ADAMTS9: variants seen among roughly 807,000 people sequenced by gnomAD.
The protein encoded by ADAMTS9 is ADAM metallopeptidase with thrombospondin type 1 motif 9.
ADAMTS9 carries 107 observed loss-of-function variants against 257.1 expected under a neutral mutation model. The observed-to-expected ratio is 0.42, with a 90% CI of 0.36 to 0.49. ADAMTS9 has a LOEUF of 0.49. Among genes scored for constraint, ADAMTS9 ranks in the 20% least tolerant of loss-of-function variants. ADAMTS9 has a pLI of 0.03. For synonymous variants in ADAMTS9, 982 were observed against 880.9 expected (o/e 1.11, Z -2.03); for missense variants, 2,353 against 2,469.1 (o/e 0.95, Z 1.00).
chr3:64,604,356 A>C (rs1354310621), intron 23 of ADAMTS9, 25 bp from the exon 24 acceptor site: 9 of 1,513,228 alleles, frequency 5.9e-6, no homozygotes, highest in Admixed American at 2.0e-5. Context: ...GGAAAAAAAA[A>C]CAAAGTCACT....
chr3:64,652,514 A>C (rs914361865), intron 8 of ADAMTS9, among the ~76,000 whole-genome samples: 8 of 152,204 alleles, frequency 5.3e-5, no homozygotes, highest in Non-Finnish European at 1.2e-4. Flanking sequence ...GTTTCTTTAT[A>C]GTGGTGTTTA....
chr3:64,656,892 G>A (rs1013398151), intron 4 of ADAMTS9, among the ~76,000 whole-genome samples: 1 of 152,064 alleles, frequency 6.6e-6, no homozygotes, highest in African/African-American at 2.4e-5. Context: ...AAACAGGATT[G>A]CTTTTCACAT....
intron 37 of ADAMTS9, 137 bp downstream of exon 37, chr3:64,539,066 G>C (rs533582802): frequency 3.7e-4 from 283 of 768,772 alleles, no homozygotes; most frequent in Non-Finnish European, 4.4e-6. Flanking sequence ...CATTTGAGAG[G>C]GTCTTGATAC....
chr3:64,538,325 C>T (rs1008528168), intron 37 of ADAMTS9, among the ~76,000 whole-genome samples: 1 of 152,224 alleles, frequency 6.6e-6, no homozygotes, highest in South Asian at 2.1e-4. Context: ...TATTCTAGAG[C>T]CATTTCTGAC....
intron 30 of ADAMTS9, 104 bp from the exon 31 acceptor site, chr3:64,551,166 C>A (rs2083266651): frequency 6.1e-6 from 8 of 1,318,712 alleles, no homozygotes; most frequent in Non-Finnish European, 8.3e-6. Context: ...TCATAAGAGC[C>A]CTGAGGGCAG....
At chr3:64,679,431 A>G (rs1701700459) in intron 3 of ADAMTS9, among the ~76,000 whole-genome samples, 1 of 152,204 alleles carries the variant, frequency 6.6e-6, no homozygotes, top group Non-Finnish European at 1.5e-5. Context: ...TCCAGGTATT[A>G]TACAACAGAG....
At chr3:64,586,846 C>G (rs2084167407) in intron 28 of ADAMTS9, 1 of 152,130 alleles carries the variant, frequency 6.6e-6, no homozygotes, top group African/African-American at 2.4e-5. Flanking sequence ...GCTCAACCTT[C>G]ACCTACTGGG....
chr3:64,662,168 T>C (rs1348872070), intron 3 of ADAMTS9, among the ~76,000 whole-genome samples: 1 of 152,140 alleles, frequency 6.6e-6, no homozygotes, highest in East Asian at 1.9e-4. Context: ...CTTTGAATCA[T>C]TGTTCATTTA....
chr3:64,546,737 A>C (rs771496780), intron 32 of ADAMTS9, 21 bp downstream of exon 32: 5 of 1,564,618 alleles, frequency 3.2e-6, no homozygotes, highest in Non-Finnish European at 4.3e-6. Context: ...TTCAGATTTG[A>C]GTGCTCAGTC....
rs1306294408 is a variant in ADAMTS9, at chr3:64,649,653, T to A, written c.1589A>T (p.Gln530Leu). 6.2e-7 allele frequency: 1 copy of A among 1,613,642 alleles called. No homozygotes were observed. Among genetic ancestry groups the A allele is most frequent in the Admixed American group, 1.7e-5 (1 of 59,958 alleles). The part of the protein sequence containing the change: ...QCELIFGPGS[Q>L]VCPYMMQCRR... Reference sequence around the variant, plus strand: ...TACACTTACCATATATGGGCACACCTGAGAACCTGGTCCAAAAATCAATTC... The same window carrying A: ...TACACTTACCATATATGGGCACACCAGAGAACCTGGTCCAAAAATCAATTC... Residue 530 changes from glutamine to leucine, a missense_variant, in exon 10 of 40, where the codon CAG becomes CTG. Physicochemically the swap from Gln to Leu is moderately radical, Grantham distance 113. This residue lies in a region of ADAMTS9 where 360 missense variants were observed against 458.1 expected (regional missense o/e 0.79). Coordinates refer to ENST00000498707, the MANE Select transcript of ADAMTS9 (RefSeq NM_182920.2).
chr3:64,534,103 C>CTCCT (rs1404906130), intron 37 of ADAMTS9, among the ~76,000 whole-genome samples: 1 of 152,236 alleles, frequency 6.6e-6, no homozygotes, highest in African/African-American at 2.4e-5. Flanking sequence ...CACATGAACA[C>CTCCT]TCCTGATTGC....
At chr3:64,670,878 T>A (rs562517795) in intron 3 of ADAMTS9, among the ~76,000 whole-genome samples, 6 of 152,250 alleles carry the variant, frequency 3.9e-5, no homozygotes, top group African/African-American at 1.4e-4. Context: ...AACAACAAAA[T>A]GTTGACAATA....
intron 29 of ADAMTS9, chr3:64,565,687 T>A (rs919793157): frequency 2.6e-5 from 4 of 152,250 alleles, no homozygotes; most frequent in Non-Finnish European, 4.4e-5. Flanking sequence ...ATCATGGGAA[T>A]ATTGAGTCTT....
chr3:64,650,022 GT>G, intron 9 of ADAMTS9: 1 of 423,242 alleles, frequency 2.4e-6, no homozygotes, highest in Non-Finnish European at 4.2e-6. Context: ...CTGTTACAAC[GT>G]TGATCACACT....
At chr3:64,640,005 ATATTC>A (rs1196074874) in intron 12 of ADAMTS9, among the ~76,000 whole-genome samples, 118 of 152,278 alleles carry the variant, frequency 7.7e-4, no homozygotes, top group African/African-American at 2.7e-3. Context: ...AACTTCTAAA[ATATTC>A]TATATGTTTG....
At chr3:64,603,064 T>C (rs567983937) in intron 25 of ADAMTS9, among the ~76,000 whole-genome samples, 2 of 152,280 alleles carry the variant, frequency 1.3e-5, no homozygotes, top group East Asian at 1.9e-4. Flanking sequence ...CTACTATTTA[T>C]TGAGTAGTAC....
intron 29 of ADAMTS9, among the ~76,000 whole-genome samples, chr3:64,564,129 C>A (rs745363894): frequency 6.6e-6 from 1 of 152,166 alleles, no homozygotes; most frequent in Non-Finnish European, 1.5e-5. Context: ...ATCTGAATGG[C>A]CTCTATTAAT....
chr3:64,590,902 C>A (rs769819436), intron 28 of ADAMTS9, among the ~76,000 whole-genome samples: 30 of 152,138 alleles, frequency 2.0e-4, no homozygotes, highest in Non-Finnish European at 2.5e-4. Context: ...GGGCAATGCA[C>A]AAAGGAACAC....
In ADAMTS9 at chr3:64,686,853, G is replaced by C. The variant is rs755587527; in HGVS notation, c.231C>G (p.Asn77Lys). 2 of 1,614,190 alleles carry C rather than the reference G, an allele frequency of 1.2e-6. No individual in the cohort carries two copies. The highest frequency in any genetic ancestry group is 1.7e-6 in the Non-Finnish European group (2 of 1,180,028). Residue 77 changes from asparagine (N) to lysine (K), a missense_variant, in exon 2 of 40, where the codon AAC becomes AAG. This residue lies in a region of ADAMTS9 where 591 missense variants were observed against 569.6 expected (regional missense o/e 1.04). Coordinates refer to ENST00000498707, the MANE Select transcript of ADAMTS9 (RefSeq NM_182920.2). The surrounding 1 kb of genome is among the most constrained non-coding windows in gnomAD (Gnocchi z 4.6). ...AGGCAGGCCAGGGGTCAGTGGCAGA[G>C]TTAATGCTCCGTCGCGTTCTTTTGA... ...VHFKRTRRSINSATDPWPAFA... is the reference protein window; with the variant it reads ...VHFKRTRRSIKSATDPWPAFA...
Sources: gnomAD v4.1 joint callset for allele counts (sites outside exome capture counted in the v4.1 genomes callset) on GRCh38, gnomAD v4.1.1 for gene constraint, gnomAD v4.1.1 regional missense constraint, Gnocchi (gnomAD v3.1) non-coding constraint, MANE v1.5 for transcripts, NCBI Gene and HGNC (gene_info 2026-07-23, HGNC 2026-07-21) for gene names.